VPS13A: variants seen among roughly 807,000 people sequenced by gnomAD.
VPS13A encodes vacuolar protein sorting 13 homolog A, also known as intermembrane lipid transfer protein VPS13A.
In VPS13A, 264 loss-of-function variants were observed where a neutral mutation model predicts 390.9. The ratio of observed to expected loss-of-function variants is 0.68; its 90% CI spans 0.61 to 0.75. VPS13A has a LOEUF of 0.75. Ranked by LOEUF, VPS13A falls within the 30% of genes least tolerant of loss-of-function variation. The pLI is 0.00. For missense variants in VPS13A, 3,409 were observed against 3,733.9 expected, an observed-to-expected ratio of 0.91 and a Z score of 2.27; for synonymous variants, 1,231 against 1,227.1, an observed-to-expected ratio of 1.00 and a Z score of -0.07.
At chr9:77,302,106 C>T (rs1031342817) in intron 33 of VPS13A, among the ~76,000 whole-genome samples, 4 of 151,592 alleles carry the variant, frequency 2.6e-5, no homozygotes, top group African/African-American at 9.7e-5. Flanking sequence ...TACAGGTGCC[C>T]ACCACCACGC....
At chr9:77,259,058 GACTTA>G (rs1484242968) in intron 22 of VPS13A, among the ~76,000 whole-genome samples, 6 of 151,958 alleles carry the variant, frequency 3.9e-5, no homozygotes, top group African/African-American at 1.5e-4. Flanking sequence ...AAATGACAAT[GACTTA>G]ACTTAGAAAG....
At chr9:77,378,710 TTTA>T (rs1456908563) in intron 67 of VPS13A, among the ~76,000 whole-genome samples, 1 of 151,942 alleles carries the variant, frequency 6.6e-6, no homozygotes, top group African/African-American at 2.4e-5. Flanking sequence ...TGCTCTAATT[TTTA>T]TTATTTTCTT....
chr9:77,361,651 G>T (rs1174671613), intron 59 of VPS13A, among the ~76,000 whole-genome samples: 1 of 152,028 alleles, frequency 6.6e-6, no homozygotes, highest in Non-Finnish European at 1.5e-5. Context: ...ATAGCCAAAA[G>T]AAATAAAATT....
intron 59 of VPS13A, among the ~76,000 whole-genome samples, chr9:77,362,322 A>G (rs1057256162): frequency 2.0e-5 from 3 of 152,136 alleles, no homozygotes; most frequent in Non-Finnish European, 4.4e-5. Context: ...TCATTTTTGT[A>G]TATGATGTAT....
chr9:77,368,326 T>C lies in VPS13A; in HGVS notation c.8553+190T>C, dbSNP rs117063450. 2.5e-3 allele frequency among the ~76,000 whole-genome samples: 384 copies of C among 152,354 alleles called. 2 individuals are homozygous for C. Among genetic ancestry groups the C allele is most frequent in the Non-Finnish European group, 4.5e-3 (307 of 68,030 alleles). On this transcript the variant is annotated intron_variant, in intron 62 of 71. Coordinates refer to ENST00000360280, the MANE Select transcript of VPS13A (RefSeq NM_033305.3). ...TCACTATTTGAATTTTTTGTCCTTA[T>C]ATTTTTTAGCCACTGAGAGAAATTT... is the stretch of plus-strand genomic sequence containing the variant.
rs541745375 is a variant in VPS13A, at chr9:77,265,743, G to A, written c.2427+5519G>A. Among the ~76,000 whole-genome samples the A allele has an allele frequency of 7.9e-5, 12 of 152,250 alleles. No individual in the cohort carries two copies. The South Asian group carries it at 2.5e-3, about 32-fold the overall frequency. On this transcript the variant is annotated intron_variant, in intron 23 of 71. Transcript: ENST00000360280. ...TTTTGTTAATCTTTTCAAAAAACCA[G>A]CACCTGGATTCACTGATATTTTTGA... is the stretch of plus-strand genomic sequence containing the variant.
chr9:77,295,868 T>A, intron 33 of VPS13A, 22 bp downstream of exon 33: 1 of 1,610,498 alleles, frequency 6.2e-7, no homozygotes, highest in Non-Finnish European at 8.5e-7. Flanking sequence ...ACAAGTATAT[T>A]TGTGTGGAAT....
chr9:77,238,020 T>A lies in VPS13A; in HGVS notation c.1614T>A (p.Asp538Glu), dbSNP rs1238647708. The change falls in exon 18 of 72, where the codon GAT becomes GAA. Residue 538 changes from aspartate (D) to glutamate (E), a missense_variant. Physicochemically the swap from Asp to Glu is conservative, Grantham distance 45 (BLOSUM62 2). Around this residue, in one of 5 missense-constraint regions of VPS13A, gnomAD observed 2,717 missense variants for 2,917.4 expected, o/e 0.93. Transcript: ENST00000360280. ...AATGCAGATTTGAAACTAAAATAGA[T>A]TCATTTCATATTACTGGCTTACCAG... is the stretch of plus-strand genomic sequence containing the variant. ...AQAIKFETKI[D>E]SFHITGLPDN... 5 of 1,611,074 alleles carry A rather than the reference T, an allele frequency of 3.1e-6. No homozygotes were observed. The highest frequency in any genetic ancestry group is 4.2e-6 in the Non-Finnish European group (5 of 1,177,946).
intron 52 of VPS13A, among the ~76,000 whole-genome samples, chr9:77,349,935 C>T (rs564809382): frequency 7.2e-5 from 11 of 152,198 alleles, no homozygotes; most frequent in East Asian, 5.8e-4. Flanking sequence ...TGAACCACCG[C>T]GCCCAGCCCA....
chr9:77,409,680 A>G (rs1563999730), intron 71 of VPS13A, among the ~76,000 whole-genome samples: 2 of 151,226 alleles, frequency 1.3e-5, no homozygotes, highest in African/African-American at 4.9e-5. Flanking sequence ...GATGCGATCA[A>G]CTGGAAGAAA....
At chr9:77,319,542 C>A in intron 41 of VPS13A, 30 bp from the exon 42 acceptor site, 1 of 1,398,236 alleles carries the variant, frequency 7.2e-7, no homozygotes, top group South Asian at 1.2e-5. Context: ...GATGGAAGAT[C>A]ATTTTTAATT....
At chr9:77,408,564 G>T (rs1042756470) in intron 71 of VPS13A, among the ~76,000 whole-genome samples, 4 of 152,212 alleles carry the variant, frequency 2.6e-5, no homozygotes, top group Admixed American at 6.5e-5. Flanking sequence ...GTGACAGATG[G>T]CACCTGGAAA....
intron 1 of VPS13A, among the ~76,000 whole-genome samples, chr9:77,181,734 G>C (rs1423126678): frequency 6.6e-6 from 1 of 152,120 alleles, no homozygotes; most frequent in Admixed American, 6.5e-5. Context: ...AAAATTTGTT[G>C]CTGAGATGGA....
At chr9:77,320,832 G>C (rs898118440) in intron 42 of VPS13A, among the ~76,000 whole-genome samples, 4 of 151,982 alleles carry the variant, frequency 2.6e-5, no homozygotes, top group Non-Finnish European at 4.4e-5. Flanking sequence ...AATACATTAA[G>C]TTACTTTTTT....
In VPS13A at chr9:77,228,280, T is replaced by G. The variant is rs1219753771; in HGVS notation, c.1595+16T>G. On this transcript the variant is annotated intron_variant, in intron 17 of 71. Transcript: ENST00000360280. ...AAGCAATAAAGTAAGTATTAATTTA[T>G]CTTTTTTTATCATATATGAAAAAAC... 6.4e-6 allele frequency: 10 copies of G among 1,564,634 alleles called. No homozygotes were observed. The highest frequency in any genetic ancestry group is 8.7e-6 in the Non-Finnish European group (10 of 1,153,526).
At chr9:77,332,970 G>A (rs1198059932) in intron 46 of VPS13A, among the ~76,000 whole-genome samples, 6 of 152,086 alleles carry the variant, frequency 3.9e-5, no homozygotes, top group Admixed American at 1.3e-4. Context: ...CACATAGATC[G>A]ACCTGCTAAA....
chr9:77,343,301 T>C (rs762773260), intron 50 of VPS13A, among the ~76,000 whole-genome samples: 1 of 152,192 alleles, frequency 6.6e-6, no homozygotes, highest in Non-Finnish European at 1.5e-5. Context: ...CATATCTAGT[T>C]CCATTAATTC....
At chr9:77,382,721 C>A in intron 68 of VPS13A, 2 of 987,608 alleles carry the variant, frequency 2.0e-6, no homozygotes, top group Non-Finnish European at 2.4e-6. Context: ...ATGGCCATGA[C>A]CCTCTTCCTG....
intron 17 of VPS13A, among the ~76,000 whole-genome samples, chr9:77,230,944 A>T (rs1039672895): frequency 6.6e-6 from 1 of 152,172 alleles, no homozygotes; most frequent in Non-Finnish European, 1.5e-5. Flanking sequence ...CAGTTTTCAG[A>T]TACAGTACAC....
Sources: allele counts gnomAD v4.1 joint callset (sites outside exome capture counted in the v4.1 genomes callset), GRCh38; gene constraint gnomAD v4.1.1; regional missense constraint gnomAD v4.1.1; transcripts MANE v1.5; gene names NCBI Gene and HGNC (gene_info 2026-07-23, HGNC 2026-07-21).